Variants in R3HCC1L observed in about 807,000 individuals in gnomAD.
R3HCC1L encodes coiled-coil domain-containing protein R3HCC1L.
In R3HCC1L, 51 loss-of-function variants were observed where a neutral mutation model predicts 59.9. The ratio of observed to expected loss-of-function variants is 0.85; its 90% CI spans 0.68 to 1.07. The LOEUF is 1.07. Ranked by LOEUF, R3HCC1L falls within the 50% of genes least tolerant of loss-of-function variation. The pLI is 0.00. For missense variants in R3HCC1L, 965 were observed against 933.0 expected, an observed-to-expected ratio of 1.03 and a Z score of -0.45; for synonymous variants, 322 against 315.2, an observed-to-expected ratio of 1.02 and a Z score of -0.23.
intron 5 of R3HCC1L, among the ~76,000 whole-genome samples, chr10:98,230,507 T>A (rs770307676): frequency 6.6e-6 from 1 of 152,220 alleles, no homozygotes; most frequent in African/African-American, 2.4e-5. Flanking sequence ...TCAATTTTGT[T>A]GATCTTTTCA....
chr10:98,185,091 A>G (rs1417188008), intron 4 of R3HCC1L, among the ~76,000 whole-genome samples: 1 of 152,170 alleles, frequency 6.6e-6, no homozygotes, highest in African/African-American at 2.4e-5. Flanking sequence ...TCTTCATCCT[A>G]AGCAGCACCT....
chr10:98,214,344 T>C (rs1040133182), intron 5 of R3HCC1L, among the ~76,000 whole-genome samples: 2 of 151,940 alleles, frequency 1.3e-5, no homozygotes, highest in African/African-American at 4.8e-5. Flanking sequence ...GCATGTGGAG[T>C]ATGGTTAGGG....
At chr10:98,135,241 T>G (rs983129133) in intron 1 of R3HCC1L, among the ~76,000 whole-genome samples, 1 of 152,180 alleles carries the variant, frequency 6.6e-6, no homozygotes, top group Non-Finnish European at 1.5e-5. Context: ...GTCCGATCTT[T>G]AAAGTTTGTG....
At chr10:98,151,417 T>C (rs986732161) in intron 1 of R3HCC1L, among the ~76,000 whole-genome samples, 1 of 152,230 alleles carries the variant, frequency 6.6e-6, no homozygotes, top group African/African-American at 2.4e-5. Context: ...GTTGTGAGGA[T>C]TGGCTCTGAG....
intron 4 of R3HCC1L, among the ~76,000 whole-genome samples, chr10:98,201,844 A>C (rs945670260): frequency 2.0e-5 from 3 of 150,802 alleles, no homozygotes; most frequent in Admixed American, 2.0e-4. Context: ...TTTTGGATGG[A>C]TATTTTCTTT....
At chr10:98,180,505 C>T (rs1209263515) in intron 4 of R3HCC1L, among the ~76,000 whole-genome samples, 1 of 152,054 alleles carries the variant, frequency 6.6e-6, no homozygotes, top group African/African-American at 2.4e-5. Flanking sequence ...GGAATACGTG[C>T]CATGTGGTGC....
At chr10:98,236,614 C>T (rs1227471545) in intron 9 of R3HCC1L, among the ~76,000 whole-genome samples, 1 of 152,162 alleles carries the variant, frequency 6.6e-6, no homozygotes, top group Non-Finnish European at 1.5e-5. Context: ...TTGATGATAA[C>T]AACTGTAGGA....
chr10:98,161,423 T>C (rs1847408186), intron 2 of R3HCC1L, among the ~76,000 whole-genome samples: 1 of 152,186 alleles, frequency 6.6e-6, no homozygotes, highest in African/African-American at 2.4e-5. Context: ...ATTAGCTCTT[T>C]ACTGGTGATG....
chr10:98,162,614 C>T (rs929082590), intron 2 of R3HCC1L, among the ~76,000 whole-genome samples: 3 of 151,928 alleles, frequency 2.0e-5, no homozygotes, highest in Non-Finnish European at 4.4e-5. Flanking sequence ...GTAAGCTATC[C>T]CATGTATTAA....
At chr10:98,171,636 G>A (rs1848519833) in intron 4 of R3HCC1L, among the ~76,000 whole-genome samples, 1 of 152,160 alleles carries the variant, frequency 6.6e-6, no homozygotes, top group Admixed American at 6.5e-5. Flanking sequence ...TTCGGGTATA[G>A]TTAATAGTGA....
intron 4 of R3HCC1L, among the ~76,000 whole-genome samples, chr10:98,204,765 TTTATTAG>T (rs1365448552): frequency 1.3e-5 from 2 of 152,170 alleles, no homozygotes; most frequent in South Asian, 2.1e-4. Context: ...CTTGTTCTGT[TTTATTAG>T]TTATTAATCT....
intron 2 of R3HCC1L, among the ~76,000 whole-genome samples, chr10:98,158,565 A>G (rs1847102614): frequency 6.6e-6 from 1 of 152,056 alleles, no homozygotes; most frequent in Non-Finnish European, 1.5e-5. Context: ...TTTTATACCT[A>G]AATAGTTAAG....
intron 1 of R3HCC1L, among the ~76,000 whole-genome samples, chr10:98,155,294 C>G (rs990361381): frequency 1.3e-5 from 2 of 152,126 alleles, no homozygotes; most frequent in African/African-American, 4.8e-5. Context: ...AAGGTCAGAC[C>G]TATAATCTTT....
intron 5 of R3HCC1L, among the ~76,000 whole-genome samples, chr10:98,218,112 T>C (rs894366219): frequency 1.3e-5 from 2 of 151,960 alleles, no homozygotes; most frequent in Admixed American, 6.6e-5. Flanking sequence ...AGTGGAAAGC[T>C]TTTCCCATTC....
At chr10:98,178,591 A>T (rs916022228) in intron 4 of R3HCC1L, among the ~76,000 whole-genome samples, 2 of 152,200 alleles carry the variant, frequency 1.3e-5, no homozygotes, top group East Asian at 3.9e-4. Context: ...TTTTTTTCCA[A>T]TTCTGTGAAG....
chr10:98,192,849 G>A (rs1851008220), intron 4 of R3HCC1L, among the ~76,000 whole-genome samples: 1 of 152,102 alleles, frequency 6.6e-6, no homozygotes, highest in African/African-American at 2.4e-5. Flanking sequence ...CTACAGGCCA[G>A]TATCTCTGAT....
At chr10:98,161,137 C>G (rs183538460) in intron 2 of R3HCC1L, among the ~76,000 whole-genome samples, 1 of 152,164 alleles carries the variant, frequency 6.6e-6, no homozygotes, top group East Asian at 1.9e-4. Flanking sequence ...ATTTGAATTC[C>G]CATCAGCAGG....
At chr10:98,217,675 G>T (rs1854372221) in intron 5 of R3HCC1L, among the ~76,000 whole-genome samples, 1 of 152,120 alleles carries the variant, frequency 6.6e-6, no homozygotes, top group African/African-American at 2.4e-5. Context: ...ATTTGTTTGT[G>T]TTCTCTCCAG....
intron 1 of R3HCC1L, among the ~76,000 whole-genome samples, chr10:98,149,468 A>G (rs1480605272): frequency 6.6e-6 from 1 of 151,802 alleles, no homozygotes; most frequent in East Asian, 1.9e-4. Context: ...TGCTTTTTTG[A>G]TGTAGGCATT....
Sources: allele counts gnomAD v4.1 joint callset (sites outside exome capture counted in the v4.1 genomes callset), GRCh38; gene constraint gnomAD v4.1.1; transcripts MANE v1.5; gene names NCBI Gene and HGNC (gene_info 2026-07-23, HGNC 2026-07-21).